The following PCDHA7 variants were observed in gnomAD, a reference collection of about 807,000 sequenced individuals.
PCDHA7 encodes the protein protocadherin alpha-7.
A neutral mutation model predicts 57.2 loss-of-function variants in PCDHA7; 37 were observed. That is an observed-to-expected ratio of 0.65 (90% CI 0.50 to 0.85). The LOEUF (loss-of-function observed/expected upper bound fraction) is 0.85. Ranked by LOEUF, PCDHA7 falls within the 40% of genes least tolerant of loss-of-function variation. PCDHA7 has a pLI of 0.00. For synonymous variants in PCDHA7, 553 were observed against 558.8 expected (o/e 0.99, Z 0.15); for missense variants, 1,188 against 1,241.8 (o/e 0.96, Z 0.65).
chr5:140,875,133 A>G (rs1269514593), intron 1 of PCDHA7, among the ~76,000 whole-genome samples: 1 of 152,228 alleles, frequency 6.6e-6, no homozygotes, highest in Non-Finnish European at 1.5e-5. Context: ...CTAAACCCGC[A>G]TTTATAAATG....
At chr5:140,919,359 G>T (rs188480486) in intron 1 of PCDHA7, among the ~76,000 whole-genome samples, 3 of 152,146 alleles carry the variant, frequency 2.0e-5, no homozygotes, top group African/African-American at 7.2e-5. Context: ...ATCTAAAAGT[G>T]TCTCCTGCAG....
chr5:140,981,612 T>C (rs2096940396), intron 2 of PCDHA7, among the ~76,000 whole-genome samples: 1 of 152,110 alleles, frequency 6.6e-6, no homozygotes, highest in Non-Finnish European at 1.5e-5. Context: ...CCTCTAATTT[T>C]GATGAGGGTT....
In PCDHA7 at chr5:140,848,822, C is replaced by T. The variant is rs2150421511; in HGVS notation, c.2355+12084C>T. The T allele has an allele frequency of 1.9e-6, 3 of 1,590,462 alleles. 1 individual carries two copies. The highest frequency in any genetic ancestry group is 3.4e-5 in the Admixed American group (2 of 58,802). ...AGTGCAGCATCCACCTGGAGGTGATCGTAGACAGGCCGCTGCAGGTTTTCC... is the reference window on the plus strand; with the variant it reads ...AGTGCAGCATCCACCTGGAGGTGATTGTAGACAGGCCGCTGCAGGTTTTCC... On this transcript the variant is annotated intron_variant, in intron 1 of 3. Transcript: ENST00000525929.
intron 1 of PCDHA7, among the ~76,000 whole-genome samples, chr5:140,965,934 G>C (rs1186937423): frequency 6.6e-6 from 1 of 152,212 alleles, no homozygotes; most frequent in Non-Finnish European, 1.5e-5. Context: ...CTCCCGGAAA[G>C]AGGGCAGCAT....
intron 1 of PCDHA7, chr5:140,883,358 C>A (rs1554177826): frequency 6.2e-7 from 1 of 1,614,192 alleles, no homozygotes; most frequent in South Asian, 1.1e-5. Context: ...AGAAGACACT[C>A]AGCCTAGCGC....
chr5:140,836,191 A>T lies in PCDHA7; in HGVS notation c.1808A>T (p.Tyr603Phe), dbSNP rs2150255019. The T allele has an allele frequency of 1.2e-6, 2 of 1,613,828 alleles. No individual in the cohort carries two copies. The highest frequency in any genetic ancestry group is 1.7e-6 in the Non-Finnish European group (2 of 1,179,792). ...CGTGCAGTTGACGCTGACTCAGGCT[A>T]CAACGCGTGGCTTTCGTATGAGTTG... The part of the protein sequence containing the change: ...KVRAVDADSG[Y>F]NAWLSYELQP... Residue 603 changes from tyrosine to phenylalanine, a missense_variant, in exon 1 of 4, where the codon TAC (tyrosine) becomes TTC (phenylalanine). Coordinates refer to ENST00000525929, the MANE Select transcript of PCDHA7 (RefSeq NM_018910.3).
chr5:140,852,064 C>G, intron 1 of PCDHA7: 1 of 904,052 alleles, frequency 1.1e-6, no homozygotes, highest in Non-Finnish European at 1.3e-6. Flanking sequence ...ATTTTTCTTT[C>G]TCTTTCAGCT....
chr5:140,930,925 G>T (rs1271801364), intron 1 of PCDHA7, among the ~76,000 whole-genome samples: 7 of 152,158 alleles, frequency 4.6e-5, no homozygotes, highest in Admixed American at 4.6e-4. Flanking sequence ...ATGTGTATAT[G>T]TGGTTAACAG....
intron 1 of PCDHA7, chr5:140,876,225 G>C: frequency 1.2e-6 from 2 of 1,613,982 alleles, no homozygotes; most frequent in Non-Finnish European, 1.7e-6. Context: ...AAGTAGTGTT[G>C]TCTGAAAATG....
intron 1 of PCDHA7, among the ~76,000 whole-genome samples, chr5:140,908,920 C>A (rs782461394): frequency 6.6e-5 from 10 of 152,180 alleles, no homozygotes; most frequent in Admixed American, 1.3e-4. Flanking sequence ...GTAGGAGGGG[C>A]CAAATGCAGC....
chr5:140,937,812 T>A (rs930837901), intron 1 of PCDHA7, among the ~76,000 whole-genome samples: 3 of 150,742 alleles, frequency 2.0e-5, no homozygotes, highest in Non-Finnish European at 4.4e-5. Flanking sequence ...CTCGGGAAGC[T>A]GAGGCAGGAG....
At chr5:140,845,376 G>A (rs1779847129) in intron 1 of PCDHA7, among the ~76,000 whole-genome samples, 1 of 149,336 alleles carries the variant, frequency 6.7e-6, no homozygotes, top group Non-Finnish European at 1.5e-5. Context: ...ATCATAAATA[G>A]GAGGATTCTT....
At chr5:140,867,347 T>C (rs1465501574) in intron 1 of PCDHA7, 1 of 152,144 alleles carries the variant, frequency 6.6e-6, no homozygotes, top group Non-Finnish European at 1.5e-5. Context: ...GAGGCTACTA[T>C]GATTGATTAT....
rs148283153 is a variant in PCDHA7, at chr5:140,857,227, G to A, written c.2355+20489G>A. 3.8e-6 allele frequency: 6 copies of A among 1,598,330 alleles called. No individual in the cohort carries two copies. The African/African-American group carries it at 4.0e-5, about 11-fold the overall frequency. ...CCTGCTCTCTGACGCCTCACGTTCCGTTCAAGCTGGTGTCCACCTACAAGA... is the reference window on the plus strand; with the variant it reads ...CCTGCTCTCTGACGCCTCACGTTCCATTCAAGCTGGTGTCCACCTACAAGA... On this transcript the variant is annotated intron_variant, in intron 1 of 3. Coordinates refer to ENST00000525929, the MANE Select transcript of PCDHA7 (RefSeq NM_018910.3).
At chr5:140,954,367 C>T (rs246024) in intron 1 of PCDHA7, among the ~76,000 whole-genome samples, 85,692 of 152,060 alleles carry the variant, frequency 0.56, 24,769 homozygotes, top group African/African-American at 0.69. Context: ...CACACAGTCT[C>T]CCACAATGAG....
Position 140,974,796 on chromosome 5 carries a change from G to T in PCDHA7, c.2356-4153G>T, listed in dbSNP as rs2096640726. On this transcript the variant is annotated intron_variant, in intron 1 of 3. Transcript: ENST00000525929. The stretch of plus-strand genomic sequence containing the variant: ...AGCCACTGCGCCCAGCCCTCATTTT[G>T]ATATACTAGAAGACCAATATGCAAC... Among the ~76,000 whole-genome samples the T allele has an allele frequency of 2.6e-5, 4 of 152,194 alleles. No individual in the cohort carries two copies. In the South Asian group the frequency reaches 8.3e-4, roughly 32 times the overall value.
At chr5:140,897,467 C>T (rs1427386129) in intron 1 of PCDHA7, among the ~76,000 whole-genome samples, 11 of 151,912 alleles carry the variant, frequency 7.2e-5, no homozygotes, top group Non-Finnish European at 7.4e-5. Flanking sequence ...CGATAGTTTA[C>T]TGAGAATGAT....
At chr5:140,865,232 A>T (rs577307618) in intron 1 of PCDHA7, 1 of 152,202 alleles carries the variant, frequency 6.6e-6, no homozygotes, top group Non-Finnish European at 1.5e-5. Context: ...ATCCCAGAGA[A>T]CACGTATTTA....
In PCDHA7 at chr5:140,850,552, C is replaced by A. The variant is rs112046100; in HGVS notation, c.2355+13814C>A. On this transcript the variant is annotated intron_variant, in intron 1 of 3. Coordinates refer to ENST00000525929, the MANE Select transcript of PCDHA7 (RefSeq NM_018910.3). ...TCATCGTCGCGGGCGTCAGTGGGTG[C>A]CACGGGCCCCGAGGTGACGCTGGTG... is the stretch of plus-strand genomic sequence containing the variant. 1,841 of 1,598,232 alleles carry A rather than the reference C, an allele frequency of 1.2e-3. 121 individuals carry two copies. The African/African-American group carries it at 0.021, about 18-fold the overall frequency.
Sources: allele counts gnomAD v4.1 joint callset (sites outside exome capture counted in the v4.1 genomes callset), GRCh38; gene constraint gnomAD v4.1.1; transcripts MANE v1.5; gene names NCBI Gene and HGNC (gene_info 2026-07-23, HGNC 2026-07-21).